Variants in GPHN observed in about 807,000 individuals in gnomAD.
GPHN encodes the protein gephyrin.
In GPHN, 17 loss-of-function variants were observed where a neutral mutation model predicts 95.5. The ratio of observed to expected loss-of-function variants is 0.18; its 90% CI spans 0.12 to 0.27. The LOEUF is 0.27. Ranked by LOEUF, GPHN falls within the 10% of genes least tolerant of loss-of-function variation. The pLI is 1.00. For missense variants in GPHN, 660 were observed against 978.1 expected, an observed-to-expected ratio of 0.67 and a Z score of 4.34; for synonymous variants, 320 against 322.5, an observed-to-expected ratio of 0.99 and a Z score of 0.08.
chr14:67,706,471 G>T, the GPHN span, among the ~76,000 whole-genome samples: 2 of 152,166 alleles, frequency 1.3e-5, no homozygotes, highest in Middle Eastern at 3.2e-3. Flanking sequence ...GGAGACACGG[G>T]ACATCAATCA....
chr14:66,646,644 G>T (rs754308184), intron 1 of GPHN, among the ~76,000 whole-genome samples: 48 of 152,060 alleles, frequency 3.2e-4, no homozygotes, highest in Non-Finnish European at 5.7e-4. Flanking sequence ...GACAAATATT[G>T]TATAATTCCA....
the GPHN span, among the ~76,000 whole-genome samples, chr14:67,712,493 CAAAAAAAAAAA>C: frequency 2.1e-4 from 8 of 38,930 alleles, no homozygotes; most frequent in South Asian, 1.5e-3. Context: ...AAAAAACTTG[CAAAAAAAAAAA>C]AAAAAAAAAA....
Position 66,776,490 on chromosome 14 carries a change from A to G in GPHN, c.170A>G (p.Lys57Arg). ...TTGGGTGGGACTATATCAGCATACA[A>G]GATAGTACCAGATGAAATAGAAGAA... ...SLLGGTISAY[K>R]IVPDEIEEIK... Residue 57 changes from lysine (K) to arginine (R), a missense_variant, in exon 3 of 23, where the codon AAG (lysine) becomes AGG (arginine). Physicochemically the swap from Lys to Arg is conservative, Grantham distance 26 (BLOSUM62 2). Around this residue, in one of 6 missense-constraint regions of GPHN, gnomAD observed 92 missense variants for 91.9 expected, o/e 1.00. Transcript: ENST00000478722. 4.4e-6 allele frequency: 7 copies of G among 1,577,634 alleles called. No homozygotes were observed. The highest frequency in any genetic ancestry group is 1.1e-5 in the South Asian group (1 of 90,172).
chr14:67,663,199 A>G, the GPHN span: 46 of 1,513,730 alleles, frequency 3.0e-5, no homozygotes, highest in East Asian at 3.7e-4. Flanking sequence ...CCCTTTGAAC[A>G]AAAATAGAAC....
the GPHN span, chr14:67,340,396 T>C: frequency 1.3e-6 from 2 of 1,529,496 alleles, no homozygotes; most frequent in Non-Finnish European, 1.8e-6. Context: ...GCCTTTGGAA[T>C]ATGGAAAACA....
At chr14:66,516,129 C>G (rs555401848) in intron 1 of GPHN, among the ~76,000 whole-genome samples, 94 of 151,778 alleles carry the variant, frequency 6.2e-4, no homozygotes, top group Non-Finnish European at 1.2e-3. Context: ...GCCTCAGCCT[C>G]CCGAGTAGCT....
intron 1 of GPHN, among the ~76,000 whole-genome samples, chr14:66,521,776 G>C (rs1486915197): frequency 6.6e-6 from 1 of 152,016 alleles, no homozygotes; most frequent in Non-Finnish European, 1.5e-5. Context: ...TGGGATAGGG[G>C]GTCTGGTTTC....
At chr14:66,741,684 TAAA>T (rs2072805761) in intron 2 of GPHN, among the ~76,000 whole-genome samples, 1 of 152,212 alleles carries the variant, frequency 6.6e-6, no homozygotes. Context: ...TTACTAAAAA[TAAA>T]AGTTAATTTT....
intron 8 of GPHN, among the ~76,000 whole-genome samples, chr14:66,937,135 TGGG>T (rs1464593189): frequency 6.6e-6 from 1 of 151,944 alleles, no homozygotes; most frequent in African/African-American, 2.4e-5. Context: ...CCCAAGTAGC[TGGG>T]GACTACAGGC....
intron 2 of GPHN, among the ~76,000 whole-genome samples, chr14:66,753,743 ATTTT>A (rs1181566511): frequency 6.6e-6 from 1 of 152,096 alleles, no homozygotes; most frequent in East Asian, 1.9e-4. Flanking sequence ...AAATTTACTT[ATTTT>A]AAGTGCACAA....
chr14:67,263,111 A>C, the GPHN span, among the ~76,000 whole-genome samples: 1 of 152,280 alleles, frequency 6.6e-6, no homozygotes, highest in South Asian at 2.1e-4. Flanking sequence ...GTGGTCTTGA[A>C]TATTTCCAAA....
chr14:66,922,246 A>G (rs2066258218), intron 6 of GPHN, among the ~76,000 whole-genome samples: 1 of 150,826 alleles, frequency 6.6e-6, no homozygotes, highest in African/African-American at 2.5e-5. Flanking sequence ...TTTGCATAGC[A>G]AAAGGAATAG....
the GPHN span, chr14:67,196,806 G>A: frequency 6.6e-6 from 1 of 152,302 alleles, no homozygotes; most frequent in Non-Finnish European, 1.5e-5. Flanking sequence ...CAGCAGCCTC[G>A]GACTCCGCTT....
At position 66,837,552 on chromosome 14, in the gene GPHN, A is replaced by T. The variant is rs961546674; in HGVS notation, c.294+12986A>T. On this transcript the variant is annotated intron_variant, in intron 4 of 22. Coordinates refer to ENST00000478722, the MANE Select transcript of GPHN (RefSeq NM_020806.5). ...TGGCACATGTATACGTATGTAACTA[A>T]CCTGCACAATGTGCACATGTACCCT... 1.6e-4 allele frequency among the ~76,000 whole-genome samples: 24 copies of T among 150,884 alleles called. 1 individual carries two copies. The South Asian group carries it at 5.0e-3, about 32-fold the overall frequency.
At chr14:67,726,818 A>G in the GPHN span, among the ~76,000 whole-genome samples, 1 of 152,202 alleles carries the variant, frequency 6.6e-6, no homozygotes, top group Non-Finnish European at 1.5e-5. Context: ...TGCTTTGAGG[A>G]ATCCACAAAC....
chr14:66,654,658 T>A (rs2065217364), intron 1 of GPHN, among the ~76,000 whole-genome samples: 1 of 152,220 alleles, frequency 6.6e-6, no homozygotes, highest in Non-Finnish European at 1.5e-5. Context: ...TAAATTTTGA[T>A]AAAGTACAGT....
chr14:67,281,281 C>T, the GPHN span, among the ~76,000 whole-genome samples: 1 of 152,138 alleles, frequency 6.6e-6, no homozygotes, highest in African/African-American at 2.4e-5. Flanking sequence ...TTCATATGTA[C>T]ATGCTTTTCT....
chr14:66,691,264 A>G (rs2067760496), intron 2 of GPHN, among the ~76,000 whole-genome samples: 1 of 151,830 alleles, frequency 6.6e-6, no homozygotes. Flanking sequence ...GGCTCACTGC[A>G]ACGACCGCCT....
At chr14:67,694,451 T>TAC in the GPHN span, among the ~76,000 whole-genome samples, 312 of 143,828 alleles carry the variant, frequency 2.2e-3, no homozygotes, top group South Asian at 0.016. Context: ...TATATATATA[T>TAC]ACACACACAC....
Sources: allele counts gnomAD v4.1 joint callset (sites outside exome capture counted in the v4.1 genomes callset), GRCh38; gene constraint gnomAD v4.1.1; regional missense constraint gnomAD v4.1.1; transcripts MANE v1.5; gene names NCBI Gene and HGNC (gene_info 2026-07-23, HGNC 2026-07-21).